MAGI2: variants seen among roughly 807,000 people sequenced by gnomAD.
MAGI2 encodes membrane-associated guanylate kinase, WW and PDZ domain-containing protein 2.
MAGI2 carries 35 observed loss-of-function variants against 133.3 expected under a neutral mutation model. The ratio of observed to expected loss-of-function variants is 0.26; its 90% CI spans 0.20 to 0.35. MAGI2 has a LOEUF of 0.35. Ranked by LOEUF, MAGI2 falls within the 10% of genes least tolerant of loss-of-function variation. The pLI, the probability that MAGI2 is intolerant of heterozygous loss-of-function variation, is 1.00. For synonymous variants in MAGI2, 729 were observed against 710.6 expected (o/e 1.03, Z -0.41); for missense variants, 1,636 against 1,863.4 (o/e 0.88, Z 2.25).
In MAGI2 at chr7:78,162,417, C is replaced by T. The variant is rs559945688; in HGVS notation, c.2597-2144G>A. ...GTGGGCTCCTGTAGTCCCAGCTACT[C>T]GGGAGGCTGAGGCAGGAGAATTGCG... On this transcript the variant is annotated intron_variant, in intron 15 of 21. Transcript: ENST00000354212. 3.4e-5 allele frequency among the ~76,000 whole-genome samples: 5 copies of T among 148,844 alleles called. No homozygotes were observed. The South Asian group carries it at 8.7e-4, about 26-fold the overall frequency.
chr7:78,699,810 C>G (rs1817883250), intron 2 of MAGI2, among the ~76,000 whole-genome samples: 1 of 151,942 alleles, frequency 6.6e-6, no homozygotes. Context: ...AAAAGACCCT[C>G]CAACCATAAA....
chr7:78,915,028 A>T (rs761361875), intron 2 of MAGI2, among the ~76,000 whole-genome samples: 1 of 152,138 alleles, frequency 6.6e-6, no homozygotes, highest in African/African-American at 2.4e-5. Context: ...TTCAAAACAT[A>T]CTTTGTTTTA....
At chr7:78,634,282 G>T (rs1809388095) in intron 2 of MAGI2, among the ~76,000 whole-genome samples, 1 of 152,208 alleles carries the variant, frequency 6.6e-6, no homozygotes, top group South Asian at 2.1e-4. Flanking sequence ...GGCCTAGGCT[G>T]CTAGAAGGTT....
At chr7:78,038,962 A>G (rs1233063518) in intron 21 of MAGI2, among the ~76,000 whole-genome samples, 1 of 152,270 alleles carries the variant, frequency 6.6e-6, no homozygotes, top group Non-Finnish European at 1.5e-5. Context: ...GAGGGTATCT[A>G]AATAATACGT....
intron 1 of MAGI2, among the ~76,000 whole-genome samples, chr7:79,270,335 T>C (rs1469386580): frequency 6.6e-6 from 1 of 151,998 alleles, no homozygotes; most frequent in East Asian, 1.9e-4. Context: ...TCTCAGTGAA[T>C]TGGTTTTGTC....
At chr7:78,643,984 A>G (rs1810574827) in intron 2 of MAGI2, among the ~76,000 whole-genome samples, 1 of 152,182 alleles carries the variant, frequency 6.6e-6, no homozygotes, top group South Asian at 2.1e-4. Context: ...AGTTAGAAGT[A>G]AAATAATTGA....
intron 3 of MAGI2, among the ~76,000 whole-genome samples, chr7:78,621,058 AG>A (rs1376752828): frequency 2.0e-5 from 3 of 152,036 alleles, no homozygotes; most frequent in African/African-American, 7.2e-5. Context: ...TGGAAGAAGT[AG>A]GTCAGGCAGG....
At chr7:79,332,694 G>A (rs952620919) in intron 1 of MAGI2, among the ~76,000 whole-genome samples, 2 of 152,124 alleles carry the variant, frequency 1.3e-5, no homozygotes, top group African/African-American at 4.8e-5. Context: ...TTTGTACTGT[G>A]CTTGCAATAA....
intron 3 of MAGI2, among the ~76,000 whole-genome samples, chr7:78,537,473 A>G (rs1406397551): frequency 6.6e-6 from 1 of 152,186 alleles, no homozygotes; most frequent in East Asian, 1.9e-4. Flanking sequence ...GCAGTGTAAA[A>G]GCATTCCATT....
intron 7 of MAGI2, chr7:78,351,876 C>T (rs952666723): frequency 1.3e-5 from 2 of 152,160 alleles, no homozygotes; most frequent in African/African-American, 4.8e-5. Flanking sequence ...AGCCAACCCT[C>T]TTCAAAGAAG....
intron 3 of MAGI2, among the ~76,000 whole-genome samples, chr7:78,573,249 TATATATAAATATAAATATATATAA>T (rs1289413711): frequency 4.5e-4 from 22 of 48,490 alleles, no homozygotes; most frequent in South Asian, 3.7e-3. Context: ...TATATATAAA[TATATATAAATATAAATATATATAA>T]ATATATATAT....
At chr7:78,265,907 C>T (rs1336552007) in intron 9 of MAGI2, among the ~76,000 whole-genome samples, 1 of 152,232 alleles carries the variant, frequency 6.6e-6, no homozygotes, top group Non-Finnish European at 1.5e-5. Flanking sequence ...TATCAAACCT[C>T]CCCTGAAATG....
chr7:78,663,974 A>C (rs998744802), intron 2 of MAGI2, among the ~76,000 whole-genome samples: 11 of 152,214 alleles, frequency 7.2e-5, no homozygotes, highest in African/African-American at 2.7e-4. Flanking sequence ...ATTTTCATGG[A>C]ATTGATACTG....
At chr7:79,367,531 T>G (rs1226900894) in intron 1 of MAGI2, among the ~76,000 whole-genome samples, 2 of 152,156 alleles carry the variant, frequency 1.3e-5, no homozygotes, top group Non-Finnish European at 2.9e-5. Flanking sequence ...AGTGATGTTC[T>G]GTGCTGTTGG....
intron 3 of MAGI2, among the ~76,000 whole-genome samples, chr7:78,566,094 G>T (rs1236422166): frequency 6.6e-6 from 1 of 152,206 alleles, no homozygotes; most frequent in Non-Finnish European, 1.5e-5. Flanking sequence ...GGGGAATTGA[G>T]AAAGTCAGAG....
intron 6 of MAGI2, among the ~76,000 whole-genome samples, chr7:78,374,976 A>T (rs571935755): frequency 5.3e-5 from 8 of 151,978 alleles, no homozygotes; most frequent in Admixed American, 5.2e-4. Context: ...AGTAGCTGGG[A>T]TTACAAGCGT....
chr7:79,172,835 T>C (rs1030243392), intron 1 of MAGI2: 5 of 151,996 alleles, frequency 3.3e-5, no homozygotes, highest in Admixed American at 3.3e-4. Flanking sequence ...AAATATAATA[T>C]GCACAACCAT....
chr7:79,389,579 T>C (rs1482541681), intron 1 of MAGI2, among the ~76,000 whole-genome samples: 1 of 152,170 alleles, frequency 6.6e-6, no homozygotes, highest in Non-Finnish European at 1.5e-5. Context: ...AAAAGTTACA[T>C]GTATCAGAAA....
chr7:79,068,269 C>T (rs779993962), intron 1 of MAGI2, among the ~76,000 whole-genome samples: 3 of 152,110 alleles, frequency 2.0e-5, no homozygotes, highest in Admixed American at 6.6e-5. Context: ...TTAAATATTG[C>T]CTTAATTTCA....
Sources: allele counts gnomAD v4.1 joint callset (sites outside exome capture counted in the v4.1 genomes callset), GRCh38; gene constraint gnomAD v4.1.1; transcripts MANE v1.5; gene names NCBI Gene and HGNC (gene_info 2026-07-23, HGNC 2026-07-21).